KCNMB2: variants seen among roughly 807,000 people sequenced by gnomAD.
KCNMB2 encodes calcium-activated potassium channel subunit beta-2.
In KCNMB2, 9 loss-of-function variants were observed where a neutral mutation model predicts 24.5. That is an observed-to-expected ratio of 0.37 (90% CI 0.22 to 0.64). The LOEUF (loss-of-function observed/expected upper bound fraction) is 0.64, where lower values mean the gene tolerates loss of function less well. KCNMB2 is among the 30% of genes least tolerant of loss of function. The pLI, the probability that KCNMB2 is intolerant of heterozygous loss-of-function variation, is 0.63. For synonymous variants in KCNMB2, 109 were observed against 104.4 expected, an observed-to-expected ratio of 1.04 and a Z score of -0.27; for missense variants, 226 against 284.3, an observed-to-expected ratio of 0.79 and a Z score of 1.47.
intron 1 of KCNMB2, among the ~76,000 whole-genome samples, chr3:178,661,347 A>G (rs1720523349): frequency 6.6e-6 from 1 of 152,064 alleles, no homozygotes; most frequent in Non-Finnish European, 1.5e-5. Context: ...ATAGTATTTC[A>G]TGGTGTACAT....
chr3:178,726,148 CTACA>C (rs1168453507), intron 1 of KCNMB2, among the ~76,000 whole-genome samples: 1 of 151,918 alleles, frequency 6.6e-6, no homozygotes, highest in African/African-American at 2.4e-5. Context: ...TTTTCATAGT[CTACA>C]TACAATCAAT....
intron 1 of KCNMB2, among the ~76,000 whole-genome samples, chr3:178,754,350 A>T (rs1006955686): frequency 6.6e-6 from 1 of 151,892 alleles, no homozygotes; most frequent in Non-Finnish European, 1.5e-5. Flanking sequence ...TTATCTTTAA[A>T]CCAAACCTTC....
intron 1 of KCNMB2, among the ~76,000 whole-genome samples, chr3:178,789,219 C>T (rs1336316442): frequency 2.6e-5 from 4 of 152,150 alleles, no homozygotes; most frequent in Non-Finnish European, 5.9e-5. Flanking sequence ...GTCAATGCGT[C>T]ATGATTATAT....
At chr3:178,620,197 C>T (rs887730254) in intron 1 of KCNMB2, among the ~76,000 whole-genome samples, 11 of 151,870 alleles carry the variant, frequency 7.2e-5, no homozygotes, top group East Asian at 5.8e-4. Context: ...TATGAACATA[C>T]GATTATAATG....
rs111233459 is a variant in KCNMB2 at position 178,595,983 on chromosome 3, C to T, written c.-68+59272C>T. On this transcript the variant is annotated intron_variant, in intron 1 of 4. Coordinates refer to ENST00000452583, the MANE Select transcript of KCNMB2 (RefSeq NM_181361.3). ...CTCAGGCAGGGGATCTTGAGCTTTC[C>T]GAAGAGGCACTGAAGGGGAGGAGAA... Among the ~76,000 whole-genome samples, 714 of 152,074 alleles carry T rather than the reference C, an allele frequency of 4.7e-3. 6 individuals are homozygous for T. The highest frequency in any genetic ancestry group is 0.014 in the African/African-American group (593 of 41,488).
intron 1 of KCNMB2, among the ~76,000 whole-genome samples, chr3:178,686,228 A>T (rs1464306034): frequency 6.6e-6 from 1 of 152,230 alleles, no homozygotes; most frequent in Non-Finnish European, 1.5e-5. Flanking sequence ...AAAAGCATAC[A>T]CATTTATTTA....
At chr3:178,572,828 AAGAATAAAAACC>A (rs1716852808) in intron 1 of KCNMB2, among the ~76,000 whole-genome samples, 1 of 152,212 alleles carries the variant, frequency 6.6e-6, no homozygotes, top group Non-Finnish European at 1.5e-5. Flanking sequence ...TATGACTTTA[AAGAATAAAAACC>A]TAAGCAAATG....
chr3:178,779,704 G>A (rs1478111174), intron 1 of KCNMB2, among the ~76,000 whole-genome samples: 2 of 151,914 alleles, frequency 1.3e-5, no homozygotes, highest in Non-Finnish European at 2.9e-5. Context: ...AGGATCTAAG[G>A]GATTGATTAT....
chr3:178,584,758 T>C (rs1313777549), intron 1 of KCNMB2, among the ~76,000 whole-genome samples: 1 of 152,182 alleles, frequency 6.6e-6, no homozygotes, highest in South Asian at 2.1e-4. Context: ...TTCTTTATTT[T>C]GGACTAAGTA....
At chr3:178,776,649 A>C (rs558572543) in intron 1 of KCNMB2, among the ~76,000 whole-genome samples, 1 of 152,100 alleles carries the variant, frequency 6.6e-6, no homozygotes, top group South Asian at 2.1e-4. Flanking sequence ...TCAGAATCTG[A>C]CTCTTCACTC....
intron 1 of KCNMB2, among the ~76,000 whole-genome samples, chr3:178,589,907 A>G (rs991124575): frequency 6.6e-6 from 1 of 152,214 alleles, no homozygotes; most frequent in Non-Finnish European, 1.5e-5. Flanking sequence ...TGAGATCTCA[A>G]AACTCTCTTT....
In KCNMB2 at chr3:178,628,667, C is replaced by T. The variant is rs116986578; in HGVS notation, c.-68+91956C>T. Among the ~76,000 whole-genome samples the T allele has an allele frequency of 6.6e-5, 10 of 152,160 alleles. No individual in the cohort carries two copies. The East Asian group carries it at 1.7e-3, about 26-fold the overall frequency. On this transcript the variant is annotated intron_variant, in intron 1 of 4. Transcript: ENST00000452583. ...CTGCAAAAGACCCTCTAGGAGTACA[C>T]GTGATAAACTTTACCATAGAAGGGC...
At chr3:178,744,892 A>C (rs1723613569) in intron 1 of KCNMB2, among the ~76,000 whole-genome samples, 1 of 152,154 alleles carries the variant, frequency 6.6e-6, no homozygotes, top group Non-Finnish European at 1.5e-5. Flanking sequence ...CTCATCAATT[A>C]TAGAGAAGCA....
intron 1 of KCNMB2, among the ~76,000 whole-genome samples, chr3:178,716,557 C>T (rs111560514): frequency 0.014 from 2,117 of 151,900 alleles, 52 homozygotes; most frequent in African/African-American, 0.048. Flanking sequence ...GATTGTCCTG[C>T]CTCAGCTTCC....
intron 1 of KCNMB2, among the ~76,000 whole-genome samples, chr3:178,670,422 T>G (rs1288151822): frequency 7.7e-6 from 1 of 129,160 alleles, no homozygotes; most frequent in East Asian, 2.0e-4. Flanking sequence ...ACTGGGAGAC[T>G]CTAGAATGTC....
intron 1 of KCNMB2, among the ~76,000 whole-genome samples, chr3:178,735,278 C>T (rs970648429): frequency 8.5e-5 from 13 of 152,214 alleles, no homozygotes; most frequent in African/African-American, 3.1e-4. Flanking sequence ...GACAGAGGGA[C>T]ACAGGAGATG....
At chr3:178,696,506 G>T (rs573896316) in intron 1 of KCNMB2, among the ~76,000 whole-genome samples, 1 of 152,196 alleles carries the variant, frequency 6.6e-6, no homozygotes, top group South Asian at 2.1e-4. Flanking sequence ...TATTATTCTA[G>T]CTAGAAGTCT....
chr3:178,560,612 C>A (rs1262935176), intron 1 of KCNMB2, among the ~76,000 whole-genome samples: 3 of 152,226 alleles, frequency 2.0e-5, no homozygotes, highest in Non-Finnish European at 2.9e-5. Flanking sequence ...CCAAAGTTTT[C>A]TTTTCCTAAA....
intron 1 of KCNMB2, among the ~76,000 whole-genome samples, chr3:178,648,544 AAAAAC>A (rs141163379): frequency 7.2e-5 from 11 of 152,182 alleles, no homozygotes; most frequent in Non-Finnish European, 1.3e-4. Flanking sequence ...TCTGTCTCTT[AAAAAC>A]AAAACAAAAC....
Sources: allele counts gnomAD v4.1 joint callset (sites outside exome capture counted in the v4.1 genomes callset), GRCh38; gene constraint gnomAD v4.1.1; transcripts MANE v1.5; gene names NCBI Gene and HGNC (gene_info 2026-07-23, HGNC 2026-07-21).